Variants in WDR7 observed in about 807,000 individuals in gnomAD.
The protein encoded by WDR7 is WD repeat-containing protein 7.
WDR7 carries 46 observed loss-of-function variants against 169.4 expected under a neutral mutation model. That is an observed-to-expected ratio of 0.27 (90% CI 0.21 to 0.35). The LOEUF (loss-of-function observed/expected upper bound fraction) is 0.35. WDR7 is among the 10% of genes least tolerant of loss of function. WDR7 has a pLI of 1.00. For missense variants in WDR7, 1,534 were observed against 1,859.3 expected (o/e 0.83, Z 3.22); for synonymous variants, 612 against 666.8 (o/e 0.92, Z 1.27).
At chr18:56,896,336 T>C (rs149312477) in intron 21 of WDR7, among the ~76,000 whole-genome samples, 296 of 151,972 alleles carry the variant, frequency 1.9e-3, no homozygotes, top group African/African-American at 6.8e-3. Context: ...CTTGGCATGC[T>C]GATTCTGAAA....
intron 21 of WDR7, among the ~76,000 whole-genome samples, chr18:56,899,854 C>T (rs190818303): frequency 6.6e-6 from 1 of 151,936 alleles, no homozygotes; most frequent in Non-Finnish European, 1.5e-5. Flanking sequence ...TTTCCATTGA[C>T]AAAGTGCTGA....
rs140326614 is a variant in WDR7 at position 56,985,025 on chromosome 18, C to T, written c.4164+22496C>T. On this transcript the variant is annotated intron_variant, in intron 26 of 27. Transcript: ENST00000254442. ...TGTGGCTCTTGATTTTTCACACCATCTCCATGACACTCATAATAAAACATA... is the reference window on the plus strand; with the variant it reads ...TGTGGCTCTTGATTTTTCACACCATTTCCATGACACTCATAATAAAACATA... Among the ~76,000 whole-genome samples, 361 of 152,286 alleles carry T rather than the reference C, an allele frequency of 2.4e-3. 1 individual carries two copies. Among genetic ancestry groups the T allele is most frequent in the Non-Finnish European group, 3.9e-3 (262 of 68,016 alleles).
intron 19 of WDR7, among the ~76,000 whole-genome samples, chr18:56,784,254 T>TA (rs2044361187): frequency 6.6e-6 from 1 of 152,212 alleles, no homozygotes. Context: ...ATTCCTTTTT[T>TA]TAAAAAATTA....
At chr18:56,783,178 G>A (rs1337207962) in intron 19 of WDR7, among the ~76,000 whole-genome samples, 3 of 150,300 alleles carry the variant, frequency 2.0e-5, no homozygotes, top group African/African-American at 7.3e-5. Flanking sequence ...AAAAAACAAG[G>A]CATCTAGACA....
At chr18:56,651,994 C>CA (rs1422285036) in intron 1 of WDR7, among the ~76,000 whole-genome samples, 1 of 152,118 alleles carries the variant, frequency 6.6e-6, no homozygotes, top group Admixed American at 6.5e-5. Flanking sequence ...TGCCCATGCC[C>CA]AAGGTACTGA....
In WDR7 at chr18:56,695,077, T is replaced by C. The variant is rs2025667359; in HGVS notation, c.1236T>C (p.Ser412=). Residue 412 remains serine (S), a synonymous_variant, in exon 11 of 28, where the codon AGT becomes AGC. Transcript: ENST00000254442. ...ATGAACCTCTTAAAGTAACTGCAAG[T>C]GTGTACATACCAGCACATGGACGAC... ...NSNEPLKVTA[S]VYIPAHGRLV... The C allele has an allele frequency of 3.1e-6, 5 of 1,614,022 alleles. No homozygotes were observed. The highest frequency in any genetic ancestry group is 1.3e-5 in the African/African-American group (1 of 74,904).
intron 20 of WDR7, among the ~76,000 whole-genome samples, chr18:56,869,128 A>G (rs2045920854): frequency 6.6e-6 from 1 of 152,190 alleles, no homozygotes; most frequent in African/African-American, 2.4e-5. Flanking sequence ...TAAGATTTAT[A>G]ATTATCAAAA....
intron 19 of WDR7, among the ~76,000 whole-genome samples, chr18:56,805,891 C>T (rs558784053): frequency 1.3e-5 from 2 of 152,274 alleles, no homozygotes; most frequent in Admixed American, 6.5e-5. Context: ...TTTTATTAGC[C>T]TCATTGCCTA....
At chr18:56,838,511 A>G (rs1382163317) in intron 20 of WDR7, among the ~76,000 whole-genome samples, 1 of 152,214 alleles carries the variant, frequency 6.6e-6, no homozygotes, top group Non-Finnish European at 1.5e-5. Context: ...TACATTTTAT[A>G]TCTATTTAAT....
chr18:56,838,893 T>C (rs1209430326), intron 20 of WDR7, among the ~76,000 whole-genome samples: 1 of 152,152 alleles, frequency 6.6e-6, no homozygotes, highest in African/African-American at 2.4e-5. Context: ...AAGCTAGAAA[T>C]ATATAAAAAG....
At chr18:56,934,099 A>T (rs1444331230) in intron 22 of WDR7, among the ~76,000 whole-genome samples, 1 of 152,258 alleles carries the variant, frequency 6.6e-6, no homozygotes, top group Non-Finnish European at 1.5e-5. Flanking sequence ...TTGCAGTATC[A>T]TCAATCCCTA....
At chr18:56,700,718 C>T (rs1259774257) in intron 12 of WDR7, among the ~76,000 whole-genome samples, 14 of 149,808 alleles carry the variant, frequency 9.3e-5, no homozygotes, top group Non-Finnish European at 1.6e-4. Context: ...TACAGGCGCC[C>T]GCTACCACGC....
intron 21 of WDR7, among the ~76,000 whole-genome samples, chr18:56,893,659 T>C (rs1023102962): frequency 3.3e-5 from 5 of 152,136 alleles, no homozygotes; most frequent in Non-Finnish European, 7.4e-5. Flanking sequence ...CCAAGTCCAC[T>C]AGAGGACTCG....
intron 20 of WDR7, among the ~76,000 whole-genome samples, chr18:56,859,273 T>C (rs1354697192): frequency 1.3e-5 from 2 of 152,194 alleles, no homozygotes; most frequent in Non-Finnish European, 2.9e-5. Flanking sequence ...AGCTCTGATA[T>C]CTTTGAGGAA....
At position 57,011,280 on chromosome 18, in the gene WDR7, C is replaced by T. The variant is rs17090474; in HGVS notation, c.4165-9465C>T. The stretch of plus-strand genomic sequence containing the variant: ...ATATGTAGGTAGTGAAAAGCTCTTT[C>T]AATTCATCAATGTCAGTTTGTCCTC... On this transcript the variant is annotated intron_variant, in intron 26 of 27. Transcript: ENST00000254442. Among the ~76,000 whole-genome samples, 1,256 of 152,286 alleles carry T rather than the reference C, an allele frequency of 8.2e-3. 16 individuals are homozygous for T. The highest frequency in any genetic ancestry group is 0.029 in the African/African-American group (1,195 of 41,566).
intron 12 of WDR7, among the ~76,000 whole-genome samples, chr18:56,705,397 A>G (rs1299785586): frequency 6.6e-6 from 1 of 152,086 alleles, no homozygotes; most frequent in Non-Finnish European, 1.5e-5. Flanking sequence ...GGGTTTTTCA[A>G]AGCCCTCAGG....
At chr18:56,895,925 T>TGAATATAC (rs1018737194) in intron 21 of WDR7, among the ~76,000 whole-genome samples, 85 of 151,882 alleles carry the variant, frequency 5.6e-4, no homozygotes, top group Non-Finnish European at 1.2e-4. Flanking sequence ...TATTCTAAAA[T>TGAATATAC]GAATATACCA....
chr18:56,813,049 A>T (rs1251097944), intron 19 of WDR7, among the ~76,000 whole-genome samples: 2 of 98,386 alleles, frequency 2.0e-5, no homozygotes, highest in Non-Finnish European at 2.1e-5. Flanking sequence ...GGGAGGGGGG[A>T]GGGATAGCAT....
intron 19 of WDR7, among the ~76,000 whole-genome samples, chr18:56,794,304 A>ATCTTTTTTTTTTTTTTTT (rs2044543467): frequency 2.0e-5 from 1 of 49,464 alleles, no homozygotes; most frequent in Admixed American, 3.8e-4. Flanking sequence ...GGTAAAGTCT[A>ATCTTTTTTTTTTTTTTTT]TTTTTTTTTT....
Sources: gnomAD v4.1 joint callset for allele counts (sites outside exome capture counted in the v4.1 genomes callset) on GRCh38, gnomAD v4.1.1 for gene constraint, MANE v1.5 for transcripts, NCBI Gene and HGNC (gene_info 2026-07-23, HGNC 2026-07-21) for gene names.